SRGAP1: variants seen among roughly 807,000 people sequenced by gnomAD.
SRGAP1 encodes the protein SLIT-ROBO Rho GTPase-activating protein 1.
SRGAP1 carries 43 observed loss-of-function variants against 121.9 expected under a neutral mutation model. That is an observed-to-expected ratio of 0.35 (90% CI 0.28 to 0.46). SRGAP1 has a LOEUF of 0.46. Among genes scored for constraint, SRGAP1 ranks in the 20% least tolerant of loss-of-function variants. The probability of loss-of-function intolerance (pLI) is 1.00; values close to 1 mark genes in which losing one functional copy is unlikely to be tolerated. For missense variants in SRGAP1, 1,102 were observed against 1,350.9 expected, an observed-to-expected ratio of 0.82 and a Z score of 2.89; for synonymous variants, 447 against 485.4, an observed-to-expected ratio of 0.92 and a Z score of 1.04.
chr12:64,109,126 C>A, intron 16 of SRGAP1, 89 bp downstream of exon 16: 1 of 827,668 alleles, frequency 1.2e-6, no homozygotes, highest in South Asian at 3.4e-5. Flanking sequence ...TTCCATTTAT[C>A]AGCAGAGTCA....
chr12:64,021,978 GA>G (rs1183985619), intron 4 of SRGAP1, among the ~76,000 whole-genome samples: 1 of 152,218 alleles, frequency 6.6e-6, no homozygotes, highest in East Asian at 1.9e-4. Flanking sequence ...GTAGGGTTAA[GA>G]AACCAGGGAC....
intron 4 of SRGAP1, among the ~76,000 whole-genome samples, chr12:64,042,529 G>A (rs1488100348): frequency 2.6e-5 from 4 of 152,088 alleles, no homozygotes; most frequent in African/African-American, 7.2e-5. Flanking sequence ...ACATTGAAAA[G>A]TATGCATAAG....
chr12:63,951,126 T>C (rs2032277207), intron 1 of SRGAP1, among the ~76,000 whole-genome samples: 1 of 146,146 alleles, frequency 6.8e-6, no homozygotes, highest in African/African-American at 2.5e-5. Flanking sequence ...TATTTGTGAA[T>C]GGGCTGGTCC....
intron 1 of SRGAP1, among the ~76,000 whole-genome samples, chr12:63,892,222 A>G (rs1390814121): frequency 1.3e-5 from 2 of 152,150 alleles, no homozygotes; most frequent in Admixed American, 1.3e-4. Flanking sequence ...TACAGGGTCA[A>G]CCATTTTTAA....
chr12:63,867,486 A>G (rs935301508), intron 1 of SRGAP1, among the ~76,000 whole-genome samples: 1 of 152,204 alleles, frequency 6.6e-6, no homozygotes, highest in South Asian at 2.1e-4. Context: ...TTAAAGAGTC[A>G]ACACAGTATA....
chr12:63,937,258 A>G (rs551943394), intron 1 of SRGAP1, among the ~76,000 whole-genome samples: 1 of 152,342 alleles, frequency 6.6e-6, no homozygotes, highest in Admixed American at 6.5e-5. Context: ...ATTTAGTAGG[A>G]AAAACTGGGA....
intron 3 of SRGAP1, among the ~76,000 whole-genome samples, chr12:64,012,597 C>T (rs1489724942): frequency 4.8e-5 from 6 of 125,052 alleles, no homozygotes; most frequent in Non-Finnish European, 9.5e-5. Context: ...CTCACTCTGC[C>T]ACCCAGGCTG....
intron 3 of SRGAP1, among the ~76,000 whole-genome samples, chr12:64,010,716 T>C (rs1044377272): frequency 6.6e-6 from 1 of 152,042 alleles, no homozygotes; most frequent in Non-Finnish European, 1.5e-5. Flanking sequence ...TAGCAACATT[T>C]CAAGTGTGTA....
chr12:63,870,816 A>G (rs1899826886), intron 1 of SRGAP1, among the ~76,000 whole-genome samples: 1 of 152,142 alleles, frequency 6.6e-6, no homozygotes, highest in Admixed American at 6.5e-5. Flanking sequence ...ACAATATTCC[A>G]TTGAGTCCAA....
chr12:63,957,704 G>A (rs2032515246), intron 1 of SRGAP1, among the ~76,000 whole-genome samples: 1 of 152,092 alleles, frequency 6.6e-6, no homozygotes, highest in South Asian at 2.1e-4. Flanking sequence ...GAAACATACG[G>A]GCCGATAGAG....
At chr12:63,952,610 C>A (rs1397746081) in intron 1 of SRGAP1, among the ~76,000 whole-genome samples, 2 of 152,118 alleles carry the variant, frequency 1.3e-5, no homozygotes, top group African/African-American at 4.8e-5. Flanking sequence ...ATGCATCCTG[C>A]CTTTGACACA....
At chr12:64,015,709 C>T (rs1411847470) in intron 3 of SRGAP1, among the ~76,000 whole-genome samples, 2 of 152,072 alleles carry the variant, frequency 1.3e-5, no homozygotes, top group East Asian at 3.9e-4. Flanking sequence ...TTCTTGGTGC[C>T]CATTTGCCCA....
intron 1 of SRGAP1, among the ~76,000 whole-genome samples, chr12:63,927,324 C>A (rs535148999): frequency 6.6e-6 from 1 of 152,184 alleles, no homozygotes; most frequent in Admixed American, 6.5e-5. Flanking sequence ...CTGGTGCCTG[C>A]TGCAGTCCCT....
intron 21 of SRGAP1, among the ~76,000 whole-genome samples, chr12:64,130,300 A>G (rs1479472205): frequency 1.3e-5 from 2 of 152,084 alleles, no homozygotes; most frequent in Admixed American, 6.6e-5. Context: ...CCAGGTGGCA[A>G]TCTTAACTCA....
At chr12:64,090,860 C>T (rs144611836) in intron 11 of SRGAP1, among the ~76,000 whole-genome samples, 1 of 152,008 alleles carries the variant, frequency 6.6e-6, no homozygotes, top group East Asian at 1.9e-4. Context: ...ATTATGTGTA[C>T]CTAAAAATGT....
intron 1 of SRGAP1, among the ~76,000 whole-genome samples, chr12:63,894,692 A>G (rs1317567414): frequency 1.3e-5 from 2 of 151,984 alleles, no homozygotes; most frequent in African/African-American, 2.4e-5. Context: ...TCATTGTTCA[A>G]TTCCCACCTA....
chr12:63,880,464 C>T (rs1446906663), intron 1 of SRGAP1, among the ~76,000 whole-genome samples: 1 of 152,142 alleles, frequency 6.6e-6, no homozygotes, highest in Non-Finnish European at 1.5e-5. Context: ...CTCCTGACCT[C>T]AAGTGATCCG....
intron 4 of SRGAP1, among the ~76,000 whole-genome samples, chr12:64,027,580 C>G (rs2034681523): frequency 6.6e-6 from 1 of 152,090 alleles, no homozygotes; most frequent in Non-Finnish European, 1.5e-5. Context: ...TAGAATCTCC[C>G]TCTGGAGCCC....
At chr12:63,861,302 A>ATATATATTT (rs1184711599) in intron 1 of SRGAP1, among the ~76,000 whole-genome samples, 15 of 132,626 alleles carry the variant, frequency 1.1e-4, no homozygotes, top group African/African-American at 4.0e-4. Context: ...ATATATATAT[A>ATATATATTT]TTTTTTTTTT....
Sources: gnomAD v4.1 joint callset for allele counts (sites outside exome capture counted in the v4.1 genomes callset) on GRCh38, gnomAD v4.1.1 for gene constraint, MANE v1.5 for transcripts, NCBI Gene and HGNC (gene_info 2026-07-23, HGNC 2026-07-21) for gene names.